CD9: variants seen among roughly 807,000 people sequenced by gnomAD.
CD9 encodes CD9 antigen.
CD9 carries 10 observed loss-of-function variants against 31.4 expected under a neutral mutation model. The observed-to-expected ratio is 0.32, with a 90% confidence interval of 0.20 to 0.54. CD9 has a LOEUF of 0.54. Ranked by LOEUF, CD9 falls within the 20% of genes least tolerant of loss-of-function variation. CD9 has a pLI of 0.94. For synonymous variants in CD9, 113 were observed against 114.1 expected, an observed-to-expected ratio of 0.99 and a Z score of 0.06; for missense variants, 259 against 300.1, an observed-to-expected ratio of 0.86 and a Z score of 1.01.
At chr12:6,231,282 G>A (rs980829183) in intron 2 of CD9, among the ~76,000 whole-genome samples, 3 of 152,172 alleles carry the variant, frequency 2.0e-5, no homozygotes, top group African/African-American at 7.2e-5. Context: ...GTGCACATGT[G>A]GATTATATCA....
chr12:6,205,754 C>T (rs1320636324), intron 1 of CD9, among the ~76,000 whole-genome samples: 1 of 152,202 alleles, frequency 6.6e-6, no homozygotes, highest in Non-Finnish European at 1.5e-5. Flanking sequence ...CTAAAGAACA[C>T]AAACCTTGAT....
chr12:6,203,006 G>A (rs1300361287), intron 1 of CD9, among the ~76,000 whole-genome samples: 1 of 152,200 alleles, frequency 6.6e-6, no homozygotes, highest in East Asian at 1.9e-4. Flanking sequence ...TCCCTGTGGA[G>A]ATGAAGCCCT....
chr12:6,216,231 G>A (rs1261838073), intron 1 of CD9, among the ~76,000 whole-genome samples: 2 of 152,238 alleles, frequency 1.3e-5, no homozygotes, highest in African/African-American at 2.4e-5. Context: ...AAGTCTGTGC[G>A]AAGAGGGAGG....
chr12:6,215,175 G>A (rs1186504724), intron 1 of CD9, among the ~76,000 whole-genome samples: 1 of 152,102 alleles, frequency 6.6e-6, no homozygotes, highest in Non-Finnish European at 1.5e-5. Context: ...TCCCTCGTGG[G>A]GCTGGGCAGT....
intron 1 of CD9, among the ~76,000 whole-genome samples, chr12:6,217,971 T>C (rs1946258180): frequency 1.3e-5 from 2 of 152,278 alleles, no homozygotes; most frequent in Admixed American, 6.5e-5. Context: ...ATGCTTGTAA[T>C]CCCAGCACTT....
chr12:6,225,719 C>T lies in CD9; in HGVS notation c.175+185C>T, dbSNP rs11568243. On this transcript the variant is annotated intron_variant, in intron 2 of 7. Transcript: ENST00000009180. ...GTGTGTCGTTGTGCCTGGGAATTTG[C>T]GTTTAACTGATGTGGTTTCTTTTCC... 3.4e-3 allele frequency: 2,001 copies of T among 583,754 alleles called. 23 individuals are homozygous for T. Among genetic ancestry groups the T allele is most frequent in the African/African-American group, 0.033 (1,785 of 53,566 alleles). The allele number at this position is 583,754 out of a possible 1,614,324, so 36.2% of individuals were successfully genotyped here. A position where few individuals can be genotyped will look rare whatever the true frequency, so the allele number is the denominator to read the frequency against.
Position 6,200,486 on chromosome 12 carries a change from A to C in CD9, c.-14A>C. 6.2e-7 allele frequency: 1 copy of C among 1,604,722 alleles called. No individual in the cohort carries two copies. Among genetic ancestry groups the C allele is most frequent in the South Asian group, 1.1e-5 (1 of 90,644 alleles). On this transcript the variant is annotated 5_prime_UTR_variant, in exon 1 of 8. Coordinates refer to ENST00000009180, the MANE Select transcript of CD9 (RefSeq NM_001769.4). ...TCCCGCACCCGTTCGGCCCAGGCTAAGTTAGCCCTCACCATGCCGGTCAAA... is the reference window on the plus strand; with the variant it reads ...TCCCGCACCCGTTCGGCCCAGGCTACGTTAGCCCTCACCATGCCGGTCAAA...
chr12:6,237,115 G>C (rs962756137), intron 7 of CD9, among the ~76,000 whole-genome samples: 4 of 152,134 alleles, frequency 2.6e-5, no homozygotes, highest in African/African-American at 9.7e-5. Flanking sequence ...GAGTAGCTGG[G>C]ACTACAGGCG....
chr12:6,227,297 C>A (rs1356013051), intron 2 of CD9, among the ~76,000 whole-genome samples: 1 of 152,040 alleles, frequency 6.6e-6, no homozygotes, highest in Non-Finnish European at 1.5e-5. Flanking sequence ...CTCCCAGGTT[C>A]AAGCGATTCT....
At chr12:6,208,224 CAAA>C (rs574714065) in intron 1 of CD9, among the ~76,000 whole-genome samples, 5 of 96,450 alleles carry the variant, frequency 5.2e-5, no homozygotes, top group Admixed American at 1.1e-4. Context: ...AACTCCATCT[CAAA>C]AAAAAAAAAA....
chr12:6,200,274 C>G (rs887365989), upstream of CD9: 1 of 109,456 alleles, frequency 9.1e-6, no homozygotes, highest in Admixed American at 2.9e-4. Context: ...CGGGCGGGGC[C>G]GGTGGGGCGG....
intron 1 of CD9, among the ~76,000 whole-genome samples, chr12:6,211,186 C>G (rs1214380048): frequency 1.3e-5 from 2 of 152,122 alleles, no homozygotes; most frequent in Admixed American, 6.6e-5. Context: ...AAATAGAAGA[C>G]AATATTACCT....
In CD9 at chr12:6,232,215, A is replaced by G. The variant is rs1946455003; in HGVS notation, c.176-417A>G. On this transcript the variant is annotated intron_variant, in intron 2 of 7. Transcript: ENST00000009180. The surrounding 1 kb of genome is among the most constrained non-coding windows in gnomAD (Gnocchi z 4.8). Reference sequence around the variant, plus strand: ...GCTCTGACAGCGTCCTCTGTAAGGCAGGGTCCCAGAAGTTAGCCAGAGTGT... The same window carrying G: ...GCTCTGACAGCGTCCTCTGTAAGGCGGGGTCCCAGAAGTTAGCCAGAGTGT... 9.0e-6 allele frequency: 2 copies of G among 222,058 alleles called. No homozygotes were observed. Among genetic ancestry groups the G allele is most frequent in the Non-Finnish European group, 1.8e-5 (2 of 109,784 alleles). 13.8% of individuals were successfully genotyped at this position (222,058 alleles called of 1,614,324 possible).
intron 1 of CD9, among the ~76,000 whole-genome samples, chr12:6,207,765 C>T (rs535844638): frequency 9.2e-5 from 14 of 152,248 alleles, no homozygotes; most frequent in African/African-American, 1.4e-4. Context: ...GAGAGGGGCC[C>T]GGATTAATGT....
chr12:6,229,251 C>G (rs1028917993), intron 2 of CD9, among the ~76,000 whole-genome samples: 3 of 152,194 alleles, frequency 2.0e-5, no homozygotes, highest in Non-Finnish European at 2.9e-5. Context: ...GAATGCCCCC[C>G]CTTCCTCGGC....
chr12:6,222,248 A>G (rs537207327), intron 1 of CD9, among the ~76,000 whole-genome samples: 1 of 152,296 alleles, frequency 6.6e-6, no homozygotes, highest in Non-Finnish European at 1.5e-5. Context: ...GATGGTTCAC[A>G]TAGCATCCCC....
chr12:6,229,866 C>A (rs1000194472), intron 2 of CD9, among the ~76,000 whole-genome samples: 1 of 149,294 alleles, frequency 6.7e-6, no homozygotes, highest in African/African-American at 2.5e-5. Context: ...CTGAAAAAAG[C>A]AGAATAAACA....
At chr12:6,209,905 G>C (rs1289111092) in intron 1 of CD9, among the ~76,000 whole-genome samples, 1 of 152,030 alleles carries the variant, frequency 6.6e-6, no homozygotes, top group African/African-American at 2.4e-5. Context: ...GGCTGGTCTC[G>C]AACTGCTGAC....
intron 1 of CD9, among the ~76,000 whole-genome samples, chr12:6,207,827 G>A (rs895235288): frequency 2.0e-5 from 3 of 152,230 alleles, no homozygotes; most frequent in East Asian, 1.9e-4. Flanking sequence ...CTGACTTGGA[G>A]AAAAATCAGA....
Sources: gnomAD v4.1 joint callset for allele counts (sites outside exome capture counted in the v4.1 genomes callset) on GRCh38, gnomAD v4.1.1 for gene constraint, Gnocchi (gnomAD v3.1) non-coding constraint, MANE v1.5 for transcripts, NCBI Gene and HGNC (gene_info 2026-07-23, HGNC 2026-07-21) for gene names.